Variants in CA10 observed in about 807,000 individuals in gnomAD.
CA10 encodes carbonic anhydrase-related protein 10.
CA10 carries 14 observed loss-of-function variants against 44.2 expected under a neutral mutation model. The ratio of observed to expected loss-of-function variants is 0.32; its 90% confidence interval spans 0.21 to 0.50. CA10 has a LOEUF of 0.50. Among genes scored for constraint, CA10 ranks in the 20% least tolerant of loss-of-function variants. The pLI is 0.99. For missense variants in CA10, 350 were observed against 409.7 expected, an observed-to-expected ratio of 0.85 and a Z score of 1.26; for synonymous variants, 159 against 141.6, an observed-to-expected ratio of 1.12 and a Z score of -0.87.
At chr17:51,993,896 G>A (rs866873009) in intron 2 of CA10, among the ~76,000 whole-genome samples, 1 of 151,926 alleles carries the variant, frequency 6.6e-6, no homozygotes, top group Non-Finnish European at 1.5e-5. Context: ...ATTACTAAGT[G>A]CCAGATGCTG....
chr17:51,864,653 T>C (rs1979465044), intron 3 of CA10, among the ~76,000 whole-genome samples: 5 of 152,316 alleles, frequency 3.3e-5, no homozygotes, highest in Admixed American at 2.6e-4. Context: ...GAAAACACTG[T>C]GTAAGAAAAT....
chr17:51,986,367 A>C (rs972699067), intron 2 of CA10, among the ~76,000 whole-genome samples: 3 of 152,142 alleles, frequency 2.0e-5, no homozygotes, highest in African/African-American at 7.2e-5. Context: ...AGATGGATTA[A>C]GGACTTAAAT....
intron 2 of CA10, among the ~76,000 whole-genome samples, chr17:51,969,378 G>A (rs1291538441): frequency 6.6e-6 from 1 of 152,054 alleles, no homozygotes; most frequent in Non-Finnish European, 1.5e-5. Flanking sequence ...CACGTATCTG[G>A]TAAGTGGACA....
intron 1 of CA10, among the ~76,000 whole-genome samples, chr17:52,099,479 A>G (rs1194279480): frequency 1.3e-5 from 2 of 152,160 alleles, no homozygotes; most frequent in Non-Finnish European, 2.9e-5. Flanking sequence ...TGTTTTTGGC[A>G]TCAGCAGTCA....
chr17:51,821,913 A>G (rs1907817208), intron 3 of CA10, among the ~76,000 whole-genome samples: 1 of 152,158 alleles, frequency 6.6e-6, no homozygotes, highest in African/African-American at 2.4e-5. Context: ...TCTCATTTGT[A>G]AAATGGGCAT....
chr17:51,792,498 T>C (rs1906558005), intron 3 of CA10, among the ~76,000 whole-genome samples: 1 of 152,208 alleles, frequency 6.6e-6, no homozygotes, highest in Non-Finnish European at 1.5e-5. Context: ...TTCAGTTAGA[T>C]AGAAAGCAAA....
chr17:52,054,912 G>C (rs1987182676), intron 2 of CA10, among the ~76,000 whole-genome samples: 1 of 152,118 alleles, frequency 6.6e-6, no homozygotes, highest in African/African-American at 2.4e-5. Context: ...TTTCTAGGAA[G>C]TGACTTGAAT....
chr17:51,805,282 G>T (rs1907084041), intron 3 of CA10, among the ~76,000 whole-genome samples: 1 of 152,156 alleles, frequency 6.6e-6, no homozygotes, highest in African/African-American at 2.4e-5. Flanking sequence ...ATATTATGCA[G>T]CTACTGTGTG....
chr17:51,895,418 T>C (rs1323366526), intron 3 of CA10, among the ~76,000 whole-genome samples: 1 of 151,646 alleles, frequency 6.6e-6, no homozygotes, highest in Admixed American at 6.6e-5. Flanking sequence ...TACAAGAACA[T>C]AGAAGGCTTA....
intron 1 of CA10, among the ~76,000 whole-genome samples, chr17:52,074,218 G>T (rs1227385452): frequency 6.6e-6 from 1 of 152,010 alleles, no homozygotes; most frequent in Non-Finnish European, 1.5e-5. Flanking sequence ...AAAATTCACG[G>T]ACAGTACAAC....
intron 1 of CA10, among the ~76,000 whole-genome samples, chr17:52,135,678 A>G (rs980065488): frequency 6.6e-6 from 1 of 152,172 alleles, no homozygotes; most frequent in African/African-American, 2.4e-5. Context: ...AGGCTGCAAC[A>G]CTTTATGAGA....
intron 3 of CA10, among the ~76,000 whole-genome samples, chr17:51,916,655 A>G (rs886812498): frequency 2.0e-5 from 3 of 152,174 alleles, no homozygotes; most frequent in Non-Finnish European, 4.4e-5. Flanking sequence ...CTTTTCCCTT[A>G]TAAATTACCC....
chr17:51,919,690 C>T (rs536698090), intron 3 of CA10, among the ~76,000 whole-genome samples: 16 of 152,260 alleles, frequency 1.1e-4, no homozygotes, highest in Non-Finnish European at 2.1e-4. Flanking sequence ...CTCACTTTGT[C>T]GCCCAGGTTG....
intron 2 of CA10, among the ~76,000 whole-genome samples, chr17:52,027,265 G>A (rs1320695294): frequency 6.6e-6 from 1 of 152,034 alleles, no homozygotes; most frequent in Non-Finnish European, 1.5e-5. Flanking sequence ...CATGGGGAGT[G>A]GCTGTAAATG....
chr17:51,792,752 T>G (rs774438235), intron 3 of CA10, among the ~76,000 whole-genome samples: 1 of 152,244 alleles, frequency 6.6e-6, no homozygotes, highest in Non-Finnish European at 1.5e-5. Flanking sequence ...GAGTAAACTT[T>G]AGAGACGATC....
At chr17:51,928,594 CA>C (rs1189384016) in intron 3 of CA10, among the ~76,000 whole-genome samples, 1 of 152,068 alleles carries the variant, frequency 6.6e-6, no homozygotes, top group Non-Finnish European at 1.5e-5. Flanking sequence ...AAAAATGCGA[CA>C]CAAAACATGT....
chr17:52,055,253 A>T (rs1598190138), intron 2 of CA10, among the ~76,000 whole-genome samples: 1 of 151,892 alleles, frequency 6.6e-6, no homozygotes, highest in Non-Finnish European at 1.5e-5. Flanking sequence ...TTTTATTACC[A>T]GATGAACTGT....
chr17:51,877,921 G>A (rs1980152544), intron 3 of CA10, among the ~76,000 whole-genome samples: 2 of 151,878 alleles, frequency 1.3e-5, no homozygotes, highest in Non-Finnish European at 2.9e-5. Flanking sequence ...GAGGCAGACG[G>A]ATCACAAGGT....
At chr17:51,769,310 A>G (rs1905507204) in intron 3 of CA10, among the ~76,000 whole-genome samples, 1 of 152,198 alleles carries the variant, frequency 6.6e-6, no homozygotes, top group South Asian at 2.1e-4. Context: ...GGTGCCAGGC[A>G]GTGTGCTAGA....
Sources: gnomAD v4.1 joint callset for allele counts (sites outside exome capture counted in the v4.1 genomes callset) on GRCh38, gnomAD v4.1.1 for gene constraint, MANE v1.5 for transcripts, NCBI Gene and HGNC (gene_info 2026-07-23, HGNC 2026-07-21) for gene names.